LOXL2: variants seen among roughly 807,000 people sequenced by gnomAD.
LOXL2 encodes lysyl oxidase like 2.
A neutral mutation model predicts 93.0 loss-of-function variants in LOXL2; 70 were observed. That is an observed-to-expected ratio of 0.75 (90% CI 0.62 to 0.92). LOXL2 has a LOEUF of 0.92. LOXL2 is among the 40% of genes least tolerant of loss of function. The pLI is 0.00. For missense variants in LOXL2, 973 were observed against 1,054.9 expected (o/e 0.92, Z 1.08); for synonymous variants, 438 against 413.2 (o/e 1.06, Z -0.73).
In LOXL2 at chr8:23,302,041, C is replaced by T; in HGVS notation, c.2119G>A (p.Asp707Asn). The T allele has an allele frequency of 6.2e-7, 1 of 1,614,154 alleles. No homozygotes were observed. The highest frequency in any genetic ancestry group is 8.5e-7 in the Non-Finnish European group (1 of 1,179,992). Residue 707 changes from aspartate to asparagine, a missense_variant, in exon 12 of 14, where the codon GAC becomes AAC. By Grantham distance (23) the Asp-to-Asn change is conservative (BLOSUM62 1). Transcript: ENST00000389131. ...WVDITDVPPGDYLFQVVINPN... is the reference protein window; with the variant it reads ...WVDITDVPPGNYLFQVVINPN... The stretch of plus-strand genomic sequence containing the variant: ...ACCCACCTCACCTGGAACAGGTAGT[C>T]TCCAGGGGGCACGTCAGTGATGTCA...
intron 10 of LOXL2, among the ~76,000 whole-genome samples, chr8:23,306,840 G>A (rs1803237564): frequency 1.3e-5 from 2 of 152,250 alleles, no homozygotes; most frequent in Non-Finnish European, 2.9e-5. Context: ...CGTGCCAGTT[G>A]AGCAGCGGTG....
At chr8:23,372,021 T>C (rs1804503890) in intron 1 of LOXL2, among the ~76,000 whole-genome samples, 1 of 151,920 alleles carries the variant, frequency 6.6e-6, no homozygotes, top group Non-Finnish European at 1.5e-5. Context: ...AATTAAAAAA[T>C]ACTTGATTAA....
intron 1 of LOXL2, among the ~76,000 whole-genome samples, chr8:23,382,700 C>A (rs1027059578): frequency 6.6e-6 from 1 of 152,048 alleles, no homozygotes; most frequent in East Asian, 1.9e-4. Context: ...TAAACTGTGT[C>A]TTTCTGCCCT....
chr8:23,306,116 C>T (rs928812548), intron 10 of LOXL2, among the ~76,000 whole-genome samples: 1 of 152,136 alleles, frequency 6.6e-6, no homozygotes, highest in Non-Finnish European at 1.5e-5. Context: ...CATCCCAGAG[C>T]TCAGTGTTTT....
In LOXL2 at chr8:23,297,983, G is replaced by A; in HGVS notation, c.*60C>T. The A allele has an allele frequency of 2.1e-6, 3 of 1,425,662 alleles. No individual in the cohort carries two copies. Among genetic ancestry groups the A allele is most frequent in the Admixed American group, 1.8e-5 (1 of 56,244 alleles). 88.3% of individuals were successfully genotyped at this position (1,425,662 alleles called of 1,614,324 possible). A position where few individuals can be genotyped will look rare whatever the true frequency, so the allele number is the denominator to read the frequency against. On this transcript the variant is annotated 3_prime_UTR_variant, in exon 14 of 14. Coordinates refer to ENST00000389131, the MANE Select transcript of LOXL2 (RefSeq NM_002318.3). The stretch of plus-strand genomic sequence containing the variant: ...CATTCGTTCAGACTCAGTTGTTGGG[G>A]GGAAGTCCCATGGAAGATGTGGTGT...
In LOXL2 at chr8:23,357,741, C is replaced by T. The variant is rs1314723075; in HGVS notation, c.531+2349G>A. On this transcript the variant is annotated intron_variant, in intron 3 of 13. Transcript: ENST00000389131. ...ACTCCAAGTAGATTATCCTGAGGTT[C>T]AGGTTGAACAGAGGCCCATCTAAGA... 3.3e-5 allele frequency among the ~76,000 whole-genome samples: 5 copies of T among 151,906 alleles called. No individual in the cohort carries two copies. In the East Asian group the frequency reaches 9.7e-4, roughly 29 times the overall value.
intron 10 of LOXL2, among the ~76,000 whole-genome samples, chr8:23,305,515 C>T (rs1290925255): frequency 8.6e-5 from 13 of 151,680 alleles, no homozygotes; most frequent in East Asian, 3.9e-4. Flanking sequence ...CCACACCCCC[C>T]GCCCACCAGC....
chr8:23,361,009 C>T (rs1431285772), intron 2 of LOXL2, among the ~76,000 whole-genome samples: 1 of 151,780 alleles, frequency 6.6e-6, no homozygotes, highest in Non-Finnish European at 1.5e-5. Flanking sequence ...CAAGTGATTC[C>T]CCTGCCTCAG....
chr8:23,322,888 G>T (rs1047025767), intron 6 of LOXL2, among the ~76,000 whole-genome samples: 1 of 152,188 alleles, frequency 6.6e-6, no homozygotes, highest in African/African-American at 2.4e-5. Flanking sequence ...CCCCTGCCCC[G>T]AAGAGCTCCC....
In LOXL2 at chr8:23,303,263, C is replaced by T. The variant is rs751472011; in HGVS notation, c.1996+19G>A. 1.4e-5 allele frequency: 21 copies of T among 1,519,402 alleles called. No homozygotes were observed. The highest frequency in any genetic ancestry group is 1.9e-5 in the Non-Finnish European group (21 of 1,094,544). The allele number at this position is 1,519,402 out of a possible 1,614,324, so 94.1% of individuals were successfully genotyped here. On this transcript the variant is annotated intron_variant, in intron 11 of 13. Coordinates refer to ENST00000389131, the MANE Select transcript of LOXL2 (RefSeq NM_002318.3). ...CGAGTCCCTCTGAGGCCTCCCATCCCCCCACTCCGCTCAGATACCTCCTTC... is the reference window on the plus strand; with the variant it reads ...CGAGTCCCTCTGAGGCCTCCCATCCTCCCACTCCGCTCAGATACCTCCTTC...
chr8:23,339,546 A>C (rs975275359), intron 4 of LOXL2, among the ~76,000 whole-genome samples: 6 of 152,210 alleles, frequency 3.9e-5, no homozygotes, highest in African/African-American at 1.2e-4. Context: ...GATGGCTTCC[A>C]AACGCCATCT....
Position 23,328,471 on chromosome 8 carries a change from T to C in LOXL2, c.1061A>G (p.Lys354Arg). ...NGEWGTVCDD[K>R]WDLVSASVVC... ...CACACTGGCCGACACCAGGTCCCAC[T>C]TGTCGTCGCAGACGGTCCCCCATTC... Residue 354 changes from lysine to arginine, a missense_variant, in exon 6 of 14, where the codon AAG becomes AGG. Physicochemically the swap from Lys to Arg is conservative, Grantham distance 26. Coordinates refer to ENST00000389131, the MANE Select transcript of LOXL2 (RefSeq NM_002318.3). The C allele has an allele frequency of 1.2e-6, 2 of 1,614,074 alleles. No individual in the cohort carries two copies. The highest frequency in any genetic ancestry group is 8.5e-7 in the Non-Finnish European group (1 of 1,180,030).
rs765428971 is a variant in LOXL2, at chr8:23,298,091, CTT to C, written c.2275_2276del (p.Lys759ValfsTer2). 1.9e-6 allele frequency: 3 copies of C among 1,613,828 alleles called. No individual in the cohort carries two copies. The highest frequency in any genetic ancestry group is 1.3e-5 in the African/African-American group (1 of 75,064). On this transcript the variant is annotated frameshift_variant, in exon 14 of 14. Transcript: ENST00000389131. LOFTEE classifies it high-confidence loss of function. Reference protein sequence around the residue: ...GGSFSEETEKKFEHFSGLLNN... With the variant: ...GGSFSEETEKXFEHFSGLLNN... ...TTAAGAGCCCGCTGAAGTGCTCAAA[CTT>C]TTTTTCCGTCTCTTCGCTGAAGGAA...
intron 9 of LOXL2, among the ~76,000 whole-genome samples, chr8:23,310,886 T>G (rs1002453603): frequency 6.6e-6 from 1 of 152,252 alleles, no homozygotes; most frequent in Non-Finnish European, 1.5e-5. Flanking sequence ...ACAATTGTAT[T>G]AGAAAGCTTA....
intron 3 of LOXL2, among the ~76,000 whole-genome samples, chr8:23,342,833 C>T (rs1803906329): frequency 6.6e-6 from 1 of 152,162 alleles, no homozygotes; most frequent in Non-Finnish European, 1.5e-5. Flanking sequence ...TCACTGCAGT[C>T]TCCATATCCT....
At chr8:23,315,425 G>T (rs188139743) in intron 9 of LOXL2, among the ~76,000 whole-genome samples, 42 of 152,268 alleles carry the variant, frequency 2.8e-4, no homozygotes, top group Admixed American at 1.2e-3. Context: ...CTACTGCCCC[G>T]CTGCAGACAC....
At chr8:23,327,414 G>A (rs1017472294) in intron 6 of LOXL2, among the ~76,000 whole-genome samples, 6 of 152,160 alleles carry the variant, frequency 3.9e-5, no homozygotes, top group African/African-American at 1.4e-4. Context: ...TTTCTGTGGG[G>A]TGATGGCCCA....
rs761495594 is a variant in LOXL2 at position 23,341,011 on chromosome 8, A to G, written c.724T>C (p.Tyr242His). Residue 242 changes from tyrosine to histidine, a missense_variant, in exon 4 of 14, where the codon TAC becomes CAC. Tyr to His is a moderately conservative substitution (Grantham distance 83). Coordinates refer to ENST00000389131, the MANE Select transcript of LOXL2 (RefSeq NM_002318.3). ...TCTTACTTGTACACTTTGGTATTGT[A>G]TGTCCTCTCCCCAGGGAAGCCAAAC... ...GMFGFPGERT[Y>H]NTKVYKMFAS... 5.0e-6 allele frequency: 8 copies of G among 1,613,980 alleles called. No homozygotes were observed. In the African/African-American group the frequency reaches 1.1e-4, roughly 22 times the overall value.
intron 6 of LOXL2, among the ~76,000 whole-genome samples, chr8:23,325,506 C>T (rs1193507547): frequency 2.6e-5 from 4 of 152,074 alleles, no homozygotes; most frequent in Non-Finnish European, 5.9e-5. Context: ...TGCCCAGGCT[C>T]GTCTTGAACT....
Sources: allele counts gnomAD v4.1 joint callset (sites outside exome capture counted in the v4.1 genomes callset), GRCh38; gene constraint gnomAD v4.1.1; transcripts MANE v1.5; gene names NCBI Gene and HGNC (gene_info 2026-07-23, HGNC 2026-07-21).